Variants in PAX2 observed in about 807,000 individuals in gnomAD.
PAX2 encodes the protein paired box protein Pax-2.
In PAX2, 9 loss-of-function variants were observed where a neutral mutation model predicts 41.7. The observed-to-expected ratio is 0.22, with a 90% CI of 0.13 to 0.38. The LOEUF (loss-of-function observed/expected upper bound fraction) is 0.38. PAX2 is among the 10% of genes least tolerant of loss of function. PAX2 has a pLI of 1.00. For missense variants in PAX2, 418 were observed against 531.6 expected, an observed-to-expected ratio of 0.79 and a Z score of 2.10; for synonymous variants, 221 against 212.7, an observed-to-expected ratio of 1.04 and a Z score of -0.34.
intron 5 of PAX2, among the ~76,000 whole-genome samples, chr10:100,798,654 C>T (rs903933766): frequency 2.6e-5 from 4 of 152,072 alleles, no homozygotes; most frequent in African/African-American, 9.7e-5. Flanking sequence ...CTCTTCTTCC[C>T]TCCCTTCTCC....
At chr10:100,804,048 T>C (rs1299684345) in intron 5 of PAX2, among the ~76,000 whole-genome samples, 1 of 152,110 alleles carries the variant, frequency 6.6e-6, no homozygotes, top group African/African-American at 2.4e-5. Context: ...TGAGGCATGA[T>C]GTTCATTTCA....
rs1257069114 is a variant in PAX2 at position 100,828,963 on chromosome 10, G to A, written c.*1344G>A. Reference sequence around the variant, plus strand: ...CCCGTAGAGTCCCTGTCGCCCGCCGGCCCTGCCTGTAGATACGCCCCGCTG... The same window carrying A: ...CCCGTAGAGTCCCTGTCGCCCGCCGACCCTGCCTGTAGATACGCCCCGCTG... On this transcript the variant is annotated 3_prime_UTR_variant, in exon 10 of 10. Coordinates refer to ENST00000355243, the MANE Select transcript of PAX2 (RefSeq NM_000278.5). The surrounding 1 kb of genome is among the most constrained non-coding windows in gnomAD (Gnocchi z 6.5). 5.9e-6 allele frequency: 1 copy of A among 169,514 alleles called. No individual in the cohort carries two copies. Among genetic ancestry groups the A allele is most frequent in the Admixed American group, 6.5e-5 (1 of 15,370 alleles). 10.5% of individuals were successfully genotyped at this position (169,514 alleles called of 1,614,324 possible). A position where few individuals can be genotyped will look rare whatever the true frequency, so the allele number is the denominator to read the frequency against.
Position 100,781,269 on chromosome 10 carries a change from G to T in PAX2, c.520G>T (p.Val174Phe), listed in dbSNP as rs1846611456. 2 of 1,613,840 alleles carry T rather than the reference G, an allele frequency of 1.2e-6. No homozygotes were observed. The highest frequency in any genetic ancestry group is 1.3e-5 in the African/African-American group (1 of 74,900). ...TIVPSTASPP[V>F]SSASNDPVGS... ...AGTTCCCAGCACGGCCTCCCCTCCT[G>T]TTTCCAGCGCCTCCAATGACCCAGT... Residue 174 changes from valine (V) to phenylalanine (F), a missense_variant, in exon 5 of 10, where the codon GTT (valine) becomes TTT (phenylalanine). Transcript: ENST00000355243.
intron 5 of PAX2, among the ~76,000 whole-genome samples, chr10:100,787,744 A>G (rs1302202140): frequency 6.6e-6 from 1 of 152,008 alleles, no homozygotes; most frequent in Non-Finnish European, 1.5e-5. Context: ...GTGATCGGGC[A>G]CTGGCTGGGG....
At chr10:100,747,947 C>G (rs1038331364) in intron 1 of PAX2, 3 of 983,524 alleles carry the variant, frequency 3.1e-6, no homozygotes, top group Non-Finnish European at 3.6e-6. Flanking sequence ...CTTTGAAACC[C>G]AAAGGTTTCT....
At chr10:100,736,412 G>A (rs112316520) in intron 1 of PAX2, among the ~76,000 whole-genome samples, 2 of 152,166 alleles carry the variant, frequency 1.3e-5, no homozygotes, top group Non-Finnish European at 2.9e-5. Flanking sequence ...CTGCCCTTTA[G>A]GTGCCCTGGT....
intron 5 of PAX2, among the ~76,000 whole-genome samples, chr10:100,793,156 G>A (rs1008955965): frequency 6.6e-6 from 1 of 152,230 alleles, no homozygotes; most frequent in African/African-American, 2.4e-5. Flanking sequence ...GCACCAGGCA[G>A]AGGGCCCCAC....
At position 100,749,778 on chromosome 10, in the gene PAX2, G is replaced by T. The variant is rs1022509510; in HGVS notation, c.76G>T (p.Val26Leu). The T allele has an allele frequency of 6.2e-7, 1 of 1,612,086 alleles. No homozygotes were observed. The highest frequency in any genetic ancestry group is 1.1e-5 in the South Asian group (1 of 90,882). Residue 26 changes from valine (V) to leucine (L), a missense_variant, in exon 2 of 10, where the codon GTG (valine) becomes TTG (leucine). Transcript: ENST00000355243. ...CGGGGGTGTGAACCAGCTCGGGGGGGTGTTTGTGAACGGCCGGCCCCTACC... is the reference window on the plus strand; with the variant it reads ...CGGGGGTGTGAACCAGCTCGGGGGGTTGTTTGTGAACGGCCGGCCCCTACC... ...GHGGVNQLGG[V>L]FVNGRPLPDV...
intron 3 of PAX2, among the ~76,000 whole-genome samples, chr10:100,758,285 C>T (rs915216885): frequency 2.0e-5 from 3 of 151,954 alleles, no homozygotes; most frequent in African/African-American, 7.3e-5. Context: ...GGACTATAGG[C>T]GCCCACCACC....
rs1268937116 is a variant in PAX2, at chr10:100,791,880, T to C, written c.616+10515T>C. Reference sequence around the variant, plus strand: ...TGGTGGTGTGGGGAGCCGAGGGCACTGTGGGCCACCTGGGGCAGCCAGCTT... The same window carrying C: ...TGGTGGTGTGGGGAGCCGAGGGCACCGTGGGCCACCTGGGGCAGCCAGCTT... On this transcript the variant is annotated intron_variant, in intron 5 of 9. Coordinates refer to ENST00000355243, the MANE Select transcript of PAX2 (RefSeq NM_000278.5). This position sits in a 1 kb window ranked among gnomAD's most constrained non-coding sequence, Gnocchi z 4.5. Among the ~76,000 whole-genome samples the C allele has an allele frequency of 3.9e-5, 6 of 152,266 alleles. No homozygotes were observed. In the East Asian group the frequency reaches 9.7e-4, roughly 25 times the overall value.
intron 3 of PAX2, among the ~76,000 whole-genome samples, chr10:100,777,398 C>CTTTTTTTTTTTTTTTTTTT (rs56136871): frequency 2.5e-5 from 3 of 121,954 alleles, no homozygotes; most frequent in Non-Finnish European, 3.5e-5. Context: ...CGCATCTGGC[C>CTTTTTTTTTTTTTTTTTTT]TTTTTTTTTT....
At chr10:100,804,999 TTC>T (rs55900944) in intron 5 of PAX2, among the ~76,000 whole-genome samples, 39,057 of 93,278 alleles carry the variant, frequency 0.42, 6,699 homozygotes, top group Middle Eastern at 0.59. Context: ...CTCTCTCTCC[TTC>T]TCTCTCTCTC....
chr10:100,755,752 C>A (rs997878109), intron 3 of PAX2, among the ~76,000 whole-genome samples: 2 of 152,098 alleles, frequency 1.3e-5, no homozygotes, highest in Non-Finnish European at 2.9e-5. Context: ...AACTCTGTAA[C>A]CAGAGCCCTT....
At chr10:100,802,643 T>C (rs1305156144) in intron 5 of PAX2, among the ~76,000 whole-genome samples, 1 of 151,768 alleles carries the variant, frequency 6.6e-6, no homozygotes, top group Non-Finnish European at 1.5e-5. Flanking sequence ...CCCGGGAGAG[T>C]CTGAGTACCT....
At chr10:100,746,453 G>T (rs572853528) in intron 1 of PAX2, 150 bp downstream of exon 1, 2 of 725,296 alleles carry the variant, frequency 2.8e-6, no homozygotes, top group African/African-American at 1.7e-5. Context: ...TCTCTCCCTC[G>T]CCCGGTGTTT....
intron 5 of PAX2, among the ~76,000 whole-genome samples, chr10:100,799,174 G>T (rs559465758): frequency 4.7e-4 from 72 of 152,252 alleles, no homozygotes; most frequent in African/African-American, 1.7e-3. Context: ...CCCCAGCACA[G>T]CTGGCCCCTG....
intron 7 of PAX2, among the ~76,000 whole-genome samples, chr10:100,823,132 T>A (rs931157170): frequency 6.6e-6 from 1 of 152,164 alleles, no homozygotes; most frequent in African/African-American, 2.4e-5. Flanking sequence ...TGACAATACT[T>A]GGTGACTGAC....
chr10:100,808,953 G>A (rs957505522), intron 6 of PAX2, among the ~76,000 whole-genome samples, 157 bp from the exon 7 acceptor site: 1 of 152,158 alleles, frequency 6.6e-6, no homozygotes. Context: ...CACAAAACTT[G>A]CCATCATCCA....
At chr10:100,749,541 A>G in intron 1 of PAX2, 13 of 1,357,074 alleles carry the variant, frequency 9.6e-6, no homozygotes, top group Non-Finnish European at 1.2e-5. Flanking sequence ...CCTCTCGCCC[A>G]GCCCCCAGTC....
Sources: allele counts gnomAD v4.1 joint callset (sites outside exome capture counted in the v4.1 genomes callset), GRCh38; gene constraint gnomAD v4.1.1; non-coding constraint Gnocchi (gnomAD v3.1); transcripts MANE v1.5; gene names NCBI Gene and HGNC (gene_info 2026-07-23, HGNC 2026-07-21).